NKAIN2: variants seen among roughly 807,000 people sequenced by gnomAD.
NKAIN2 encodes the protein sodium/potassium-transporting ATPase subunit beta-1-interacting protein 2.
A neutral mutation model predicts 32.6 loss-of-function variants in NKAIN2; 14 were observed. The ratio of observed to expected loss-of-function variants is 0.43; its 90% confidence interval spans 0.28 to 0.67. NKAIN2 has a LOEUF of 0.67. NKAIN2 is among the 30% of genes least tolerant of loss of function. The pLI is 0.17. For missense variants in NKAIN2, 198 were observed against 258.3 expected (o/e 0.77, Z 1.60); for synonymous variants, 80 against 87.2 (o/e 0.92, Z 0.46).
chr6:124,278,970 A>G (rs1302561653), intron 1 of NKAIN2, among the ~76,000 whole-genome samples: 1 of 152,134 alleles, frequency 6.6e-6, no homozygotes, highest in Non-Finnish European at 1.5e-5. Flanking sequence ...GCTAATGTAT[A>G]AAAACCTCAT....
chr6:123,849,658 G>T (rs919994429), intron 1 of NKAIN2, among the ~76,000 whole-genome samples: 1 of 152,128 alleles, frequency 6.6e-6, no homozygotes, highest in East Asian at 1.9e-4. Flanking sequence ...GAGGCTGGGG[G>T]TGGGTGCCAG....
At chr6:124,352,466 G>T (rs1798776753) in intron 2 of NKAIN2, among the ~76,000 whole-genome samples, 1 of 152,140 alleles carries the variant, frequency 6.6e-6, no homozygotes. Flanking sequence ...TATAATTTTA[G>T]TTATGAAATT....
chr6:123,977,714 G>A (rs1242369252), intron 1 of NKAIN2, among the ~76,000 whole-genome samples: 1 of 152,008 alleles, frequency 6.6e-6, no homozygotes, highest in Non-Finnish European at 1.5e-5. Context: ...AGACATTCTT[G>A]GGCAGTCAGA....
intron 2 of NKAIN2, among the ~76,000 whole-genome samples, chr6:124,336,246 G>A (rs556505865): frequency 6.6e-6 from 1 of 152,218 alleles, no homozygotes; most frequent in Admixed American, 6.5e-5. Flanking sequence ...TCAAATCATC[G>A]TGCAGTTCCA....
chr6:124,555,833 A>G (rs1780454013), intron 3 of NKAIN2, among the ~76,000 whole-genome samples: 1 of 152,216 alleles, frequency 6.6e-6, no homozygotes, highest in Non-Finnish European at 1.5e-5. Context: ...ACAAAAACTT[A>G]TCTTCTCTTT....
At chr6:124,451,412 T>C (rs1246662379) in intron 3 of NKAIN2, among the ~76,000 whole-genome samples, 3 of 152,162 alleles carry the variant, frequency 2.0e-5, no homozygotes, top group Non-Finnish European at 4.4e-5. Context: ...GAATTACTTA[T>C]TTAGTTATAT....
chr6:124,696,565 A>G (rs1333323351), intron 4 of NKAIN2, among the ~76,000 whole-genome samples: 1 of 152,112 alleles, frequency 6.6e-6, no homozygotes, highest in African/African-American at 2.4e-5. Flanking sequence ...ATTGCCTCAT[A>G]GCTGGTCTTT....
chr6:124,687,717 TATATA>T (rs1441025182), intron 4 of NKAIN2, among the ~76,000 whole-genome samples: 19 of 51,618 alleles, frequency 3.7e-4, no homozygotes, highest in South Asian at 2.0e-3. Flanking sequence ...GAATATAATA[TATATA>T]ATATAAATAT....
chr6:124,031,876 A>T (rs1309909096), intron 1 of NKAIN2, among the ~76,000 whole-genome samples: 1 of 152,044 alleles, frequency 6.6e-6, no homozygotes, highest in African/African-American at 2.4e-5. Flanking sequence ...AGGATCTAGA[A>T]CTAGAAATAC....
chr6:124,323,545 G>C (rs1263152595), intron 2 of NKAIN2, among the ~76,000 whole-genome samples: 1 of 151,966 alleles, frequency 6.6e-6, no homozygotes, highest in African/African-American at 2.4e-5. Context: ...TTGTTGAAAA[G>C]ACTACTCTTT....
At chr6:124,419,387 A>G (rs1285687845) in intron 3 of NKAIN2, among the ~76,000 whole-genome samples, 1 of 152,178 alleles carries the variant, frequency 6.6e-6, no homozygotes, top group African/African-American at 2.4e-5. Context: ...CAAGTTTTCC[A>G]AAATTCCAGT....
chr6:124,332,928 G>A (rs956180250), intron 2 of NKAIN2, among the ~76,000 whole-genome samples: 23 of 152,216 alleles, frequency 1.5e-4, no homozygotes, highest in African/African-American at 5.5e-4. Flanking sequence ...GTAGATTTCA[G>A]ATTATACAGG....
intron 1 of NKAIN2, among the ~76,000 whole-genome samples, chr6:124,137,318 C>A: frequency 6.6e-6 from 1 of 151,916 alleles, no homozygotes; most frequent in East Asian, 1.9e-4. Context: ...TGAAATCTGT[C>A]TACTAGGAAA....
chr6:124,343,828 T>G (rs532952099), intron 2 of NKAIN2, among the ~76,000 whole-genome samples: 1,670 of 146,664 alleles, frequency 0.011, 34 homozygotes, highest in African/African-American at 0.039. Flanking sequence ...AGAAGCTCTT[T>G]AGTTTAATTA....
At chr6:123,884,242 A>G (rs1294518802) in intron 1 of NKAIN2, among the ~76,000 whole-genome samples, 1 of 152,094 alleles carries the variant, frequency 6.6e-6, no homozygotes, top group Non-Finnish European at 1.5e-5. Context: ...GTAATGGATA[A>G]TGGACTCCAG....
intron 5 of NKAIN2, among the ~76,000 whole-genome samples, chr6:124,815,747 T>C (rs966646145): frequency 5.3e-5 from 8 of 152,162 alleles, no homozygotes; most frequent in Non-Finnish European, 8.8e-5. Flanking sequence ...TATAGTTCTA[T>C]AGTTGTCCCA....
At chr6:124,750,480 A>G (rs1251104771) in intron 4 of NKAIN2, among the ~76,000 whole-genome samples, 2 of 150,348 alleles carry the variant, frequency 1.3e-5, no homozygotes, top group Non-Finnish European at 3.0e-5. Context: ...TAGTCATTCA[A>G]AAGTCTGGAG....
At chr6:123,885,459 G>A (rs1773669103) in intron 1 of NKAIN2, among the ~76,000 whole-genome samples, 2 of 152,006 alleles carry the variant, frequency 1.3e-5, no homozygotes, top group South Asian at 4.1e-4. Flanking sequence ...AGGAATTTTT[G>A]TCATTGATCA....
At chr6:124,406,012 C>CA (rs1773841111) in intron 3 of NKAIN2, among the ~76,000 whole-genome samples, 1 of 86,808 alleles carries the variant, frequency 1.2e-5, no homozygotes, top group Non-Finnish European at 2.4e-5. Context: ...ATTACCACCA[C>CA]GGTGTGTGTG....
Sources: allele counts gnomAD v4.1 joint callset (sites outside exome capture counted in the v4.1 genomes callset), GRCh38; gene constraint gnomAD v4.1.1; transcripts MANE v1.5; gene names NCBI Gene and HGNC (gene_info 2026-07-23, HGNC 2026-07-21).